Variants in GABRG2 observed in about 807,000 individuals in gnomAD.
GABRG2 encodes gamma-aminobutyric acid type A receptor subunit gamma2.
GABRG2 carries 16 observed loss-of-function variants against 56.4 expected under a neutral mutation model. That is an observed-to-expected ratio of 0.28 (90% confidence interval 0.19 to 0.43). GABRG2 has a LOEUF of 0.43. Ranked by LOEUF, GABRG2 falls within the 20% of genes least tolerant of loss-of-function variation. GABRG2 has a pLI of 1.00. For missense variants in GABRG2, 327 were observed against 582.7 expected (o/e 0.56, Z 4.52); for synonymous variants, 208 against 205.5 (o/e 1.01, Z -0.10).
chr5:162,073,177 G>A (rs1338232029), intron 1 of GABRG2, among the ~76,000 whole-genome samples: 1 of 151,778 alleles, frequency 6.6e-6, no homozygotes, highest in Non-Finnish European at 1.5e-5. Flanking sequence ...AAGATACTCA[G>A]TCTCCACCAA....
At chr5:162,117,139 G>A (rs549725419) in intron 6 of GABRG2, among the ~76,000 whole-genome samples, 2 of 152,254 alleles carry the variant, frequency 1.3e-5, no homozygotes, top group South Asian at 4.1e-4. Flanking sequence ...CAGAAGAGCA[G>A]GTGAGAACAC....
intron 5 of GABRG2, chr5:162,102,520 T>C (rs528121392): frequency 2.2e-6 from 1 of 454,092 alleles, no homozygotes; most frequent in African/African-American, 2.0e-5. Context: ...TTTGTTGTTG[T>C]TGTTGTTGTT....
chr5:162,108,335 T>C (rs1761984567), intron 6 of GABRG2, among the ~76,000 whole-genome samples: 1 of 152,194 alleles, frequency 6.6e-6, no homozygotes, highest in Admixed American at 6.6e-5. Context: ...GAATCTGGTC[T>C]CAGGAACTTT....
rs935477130 is a variant in GABRG2, at chr5:162,145,574, C to T, written c.922+3258C>T. On this transcript the variant is annotated intron_variant, in intron 7 of 9. Coordinates refer to ENST00000639213, the MANE Select transcript of GABRG2 (RefSeq NM_198904.4). ...CTCTTTCCTGTGGCTCCAGGCAGAG[C>T]CCTGAAAATATCATGAGGCAATTCT... Among the ~76,000 whole-genome samples, 14 of 152,156 alleles carry T rather than the reference C, an allele frequency of 9.2e-5. 1 individual carries two copies. The highest frequency in any genetic ancestry group is 2.9e-4 in the African/African-American group (12 of 41,440).
At chr5:162,117,039 A>G (rs1762669790) in intron 6 of GABRG2, among the ~76,000 whole-genome samples, 1 of 152,210 alleles carries the variant, frequency 6.6e-6, no homozygotes. Flanking sequence ...TCTGAGAATT[A>G]TCCTCTCAAA....
At chr5:162,112,615 C>T (rs1330805815) in intron 6 of GABRG2, among the ~76,000 whole-genome samples, 1 of 152,102 alleles carries the variant, frequency 6.6e-6, no homozygotes, top group African/African-American at 2.4e-5. Context: ...TGGAAATGGG[C>T]AGCAAATAGC....
intron 1 of GABRG2, among the ~76,000 whole-genome samples, chr5:162,076,143 C>T (rs573818463): frequency 6.6e-6 from 1 of 151,988 alleles, no homozygotes; most frequent in Non-Finnish European, 1.5e-5. Context: ...CAGAGTGAGA[C>T]CCCGTCTCAA....
chr5:162,154,799 A>G lies in GABRG2; in HGVS notation c.*1431A>G, dbSNP rs1474184740. 1 of 152,058 alleles carries G rather than the reference A, an allele frequency of 6.6e-6. No individual in the cohort carries two copies. The highest frequency in any genetic ancestry group is 6.6e-5 in the Admixed American group (1 of 15,240). The allele number at this position is 152,058 out of a possible 1,614,324, so 9.4% of individuals were successfully genotyped here. The stretch of plus-strand genomic sequence containing the variant: ...TTCAGAATGTAGCATTCTGTGCGAA[A>G]AAGTATTGAAGATTAGCTTTTAAAA... On this transcript the variant is annotated 3_prime_UTR_variant, in exon 10 of 10. Transcript: ENST00000639213.
chr5:162,098,455 G>A (rs1481602480), intron 4 of GABRG2: 2 of 153,000 alleles, frequency 1.3e-5, no homozygotes, highest in African/African-American at 4.8e-5. Flanking sequence ...AGAGTAAAAT[G>A]CTACCTTAAT....
intron 1 of GABRG2, among the ~76,000 whole-genome samples, chr5:162,068,932 G>C (rs1449749605): frequency 6.6e-6 from 1 of 152,150 alleles, no homozygotes; most frequent in East Asian, 1.9e-4. Flanking sequence ...CTGGAAAAGA[G>C]TTGGCCTTGC....
intron 6 of GABRG2, among the ~76,000 whole-genome samples, chr5:162,110,717 A>G (rs1480609096): frequency 1.3e-5 from 2 of 152,130 alleles, no homozygotes; most frequent in African/African-American, 4.8e-5. Flanking sequence ...TACAGCACCA[A>G]TCCTACAGTC....
At chr5:162,113,730 G>A (rs959034806) in intron 6 of GABRG2, among the ~76,000 whole-genome samples, 3 of 152,196 alleles carry the variant, frequency 2.0e-5, no homozygotes, top group Non-Finnish European at 4.4e-5. Context: ...AAGTGGTGAA[G>A]AGTTATGTAG....
At chr5:162,125,716 C>T (rs930822475) in intron 6 of GABRG2, among the ~76,000 whole-genome samples, 16 of 151,666 alleles carry the variant, frequency 1.1e-4, no homozygotes, top group African/African-American at 3.9e-4. Flanking sequence ...TAATAAAAGA[C>T]AGGAGAATTG....
chr5:162,112,271 TA>T (rs944006898), intron 6 of GABRG2, among the ~76,000 whole-genome samples: 17 of 146,998 alleles, frequency 1.2e-4, no homozygotes, highest in African/African-American at 4.3e-4. Context: ...TTTTTTTTTT[TA>T]ATCCAAGTTG....
intron 1 of GABRG2, among the ~76,000 whole-genome samples, chr5:162,069,563 A>G (rs1366354364): frequency 6.6e-6 from 1 of 152,162 alleles, no homozygotes; most frequent in Non-Finnish European, 1.5e-5. Context: ...CAGGCAAAAC[A>G]AAGAGTGAAA....
rs771660227 is a variant in GABRG2 at position 162,153,085 on chromosome 5, C to T, written c.1153-8C>T. 118 of 1,613,856 alleles carry T rather than the reference C, an allele frequency of 7.3e-5. No individual in the cohort carries two copies. The highest frequency in any genetic ancestry group is 9.6e-5 in the Non-Finnish European group (113 of 1,179,924). On this transcript the variant is annotated splice_region_variant and splice_polypyrimidine_tract_variant and intron_variant, in intron 9 of 9. Transcript: ENST00000639213. ...ACTGATCCCTCTCCTTCCCTACCCT[C>T]GTCCCAGGCCCCTACCATTGATATC... is the stretch of plus-strand genomic sequence containing the variant.
chr5:162,085,427 C>T (rs1176876423), intron 1 of GABRG2, among the ~76,000 whole-genome samples: 1 of 151,848 alleles, frequency 6.6e-6, no homozygotes, highest in Non-Finnish European at 1.5e-5. Flanking sequence ...TTCTTTCTAA[C>T]CACAATTTAA....
chr5:162,101,484 A>G (rs1761412535), intron 5 of GABRG2, 167 bp downstream of exon 5: 2 of 659,904 alleles, frequency 3.0e-6, no homozygotes, highest in Admixed American at 4.4e-5. Context: ...GCTTGCTCCG[A>G]TTAGGGTGAT....
chr5:162,148,646 G>T (rs1039393804), intron 7 of GABRG2, among the ~76,000 whole-genome samples: 13 of 152,022 alleles, frequency 8.6e-5, no homozygotes, highest in Non-Finnish European at 1.9e-4. Context: ...TAACAGACAA[G>T]GTTTCTCTTT....
Sources: gnomAD v4.1 joint callset for allele counts (sites outside exome capture counted in the v4.1 genomes callset) on GRCh38, gnomAD v4.1.1 for gene constraint, MANE v1.5 for transcripts, NCBI Gene and HGNC (gene_info 2026-07-23, HGNC 2026-07-21) for gene names.